DST: variants seen among roughly 807,000 people sequenced by gnomAD.
The protein encoded by DST is bullous pemphigoid antigen.
A neutral mutation model predicts 875.2 loss-of-function variants in DST; 253 were observed. That is an observed-to-expected ratio of 0.29 (90% CI 0.26 to 0.32). DST has a LOEUF of 0.32. Among genes scored for constraint, DST ranks in the 10% least tolerant of loss-of-function variants. DST has a pLI of 1.00. For missense variants in DST, 8,287 were observed against 9,111.6 expected, an observed-to-expected ratio of 0.91 and a Z score of 3.68; for synonymous variants, 3,124 against 3,197.1, an observed-to-expected ratio of 0.98 and a Z score of 0.77.
chr6:56,555,445 C>T lies in DST; in HGVS notation c.15036G>A (p.Glu5012=), dbSNP rs1310117723. The stretch of plus-strand genomic sequence containing the variant: ...CTTCTTTAACCAGTGCTGACAAATC[C>T]TCACAGAGTGCCTGGGCCACTTTTA... The part of the protein sequence containing the change: ...KQIKVAQALC[E]DLSALVKEEY... Residue 5012 remains glutamate, a synonymous_variant, in exon 60 of 104, where the codon GAG becomes GAA. Transcript: ENST00000680361. 2.9e-5 allele frequency: 46 copies of T among 1,613,854 alleles called. No individual in the cohort carries two copies. The East Asian group carries it at 9.8e-4, about 34-fold the overall frequency.
chr6:56,535,428 A>G (rs2096976706), intron 62 of DST, 136 bp from the exon 63 acceptor site: 1 of 1,065,800 alleles, frequency 9.4e-7, no homozygotes, highest in Non-Finnish European at 1.3e-6. Context: ...AAATTTACCC[A>G]AAGTATCGAT....
chr6:56,557,253 T>G, intron 59 of DST, 66 bp downstream of exon 59: 1 of 1,446,064 alleles, frequency 6.9e-7, no homozygotes, highest in Non-Finnish European at 9.5e-7. Context: ...ATATTTATAA[T>G]GAAAACATTG....
intron 98 of DST, among the ~76,000 whole-genome samples, chr6:56,468,688 C>A (rs1178697478): frequency 6.6e-6 from 1 of 152,112 alleles, no homozygotes; most frequent in Non-Finnish European, 1.5e-5. Flanking sequence ...AAAATATATG[C>A]TCATATTATA....
rs1438809528 is a variant in DST, at chr6:56,568,886, A to G, written c.13879-291T>C. On this transcript the variant is annotated intron_variant, in intron 54 of 103. Coordinates refer to ENST00000680361, the MANE Select transcript of DST (RefSeq NM_001374736.1). Reference sequence around the variant, plus strand: ...TCCTGGCTGCTATGGGTTCCAAAATAACTGTCAACTGTAAGTCTGTAAAAC... The same window carrying G: ...TCCTGGCTGCTATGGGTTCCAAAATGACTGTCAACTGTAAGTCTGTAAAAC... Among the ~76,000 whole-genome samples, 4 of 152,206 alleles carry G rather than the reference A, an allele frequency of 2.6e-5. No individual in the cohort carries two copies. In the East Asian group the frequency reaches 7.7e-4, roughly 29 times the overall value.
At chr6:56,762,844 C>CTTTT (rs869153143) in intron 4 of DST, among the ~76,000 whole-genome samples, 10 of 111,894 alleles carry the variant, frequency 8.9e-5, no homozygotes, top group Non-Finnish European at 1.4e-4. Flanking sequence ...AGAACACCAC[C>CTTTT]TTTTTTTTTT....
intron 3 of DST, among the ~76,000 whole-genome samples, chr6:56,888,603 T>A (rs548798989): frequency 6.6e-6 from 1 of 152,208 alleles, no homozygotes; most frequent in East Asian, 1.9e-4. Flanking sequence ...ATTTTAATAA[T>A]CTAAGCAGGA....
intron 73 of DST, 69 bp from the exon 74 acceptor site, chr6:56,509,942 A>C: frequency 1.6e-6 from 2 of 1,249,614 alleles, no homozygotes; most frequent in Non-Finnish European, 2.2e-6. Flanking sequence ...ATTTAAATGA[A>C]AAAACATTTT....
intron 2 of DST, among the ~76,000 whole-genome samples, chr6:56,936,796 AG>A (rs2127774493): frequency 6.6e-6 from 1 of 152,300 alleles, no homozygotes; most frequent in East Asian, 1.9e-4. Flanking sequence ...AAACAACTTT[AG>A]GCCAACAAAC....
intron 46 of DST, 67 bp downstream of exon 46, chr6:56,598,409 A>C: frequency 1.1e-6 from 1 of 927,904 alleles, no homozygotes; most frequent in Non-Finnish European, 1.5e-6. Flanking sequence ...CTGGATATTA[A>C]TAATAAATCA....
rs2152707686 is a variant in DST, at chr6:56,604,190, T to C, written c.10438A>G (p.Ile3480Val). 6.2e-7 allele frequency: 1 copy of C among 1,603,144 alleles called. No individual in the cohort carries two copies. ...HMEYDLEKRG[I>V]TSKVLPLQLE... ...TGCAGTGGAAGTACTTTAGACGTAATGCCTCTTTTCTCTAGGTCATACTCC... is the reference window on the plus strand; with the variant it reads ...TGCAGTGGAAGTACTTTAGACGTAACGCCTCTTTTCTCTAGGTCATACTCC... Residue 3480 changes from isoleucine to valine, a missense_variant, in exon 40 of 104, where the codon ATT becomes GTT. Around this residue, in one of 10 missense-constraint regions of DST, gnomAD observed 3,138 missense variants for 3,116.6 expected, o/e 1.01. Coordinates refer to ENST00000680361, the MANE Select transcript of DST (RefSeq NM_001374736.1).
At position 56,625,158 on chromosome 6, in the gene DST, T is replaced by C. The variant is rs1197532939; in HGVS notation, c.4829A>G (p.Glu1610Gly). The C allele has an allele frequency of 1.2e-6, 2 of 1,603,164 alleles. No homozygotes were observed. Among genetic ancestry groups the C allele is most frequent in the East Asian group, 2.2e-5 (1 of 44,774 alleles). The change falls in exon 35 of 104, where the codon GAG (glutamate) becomes GGG (glycine). Residue 1610 changes from glutamate to glycine, a missense_variant and splice_region_variant. Physicochemically the swap from Glu to Gly is moderately conservative, Grantham distance 98. Coordinates refer to ENST00000680361, the MANE Select transcript of DST (RefSeq NM_001374736.1). Reference sequence around the variant, plus strand: ...CTCTTTCTCTCATACTTTTATTACCTCTTGAATAATGAGATCTGCTGAACT... The same window carrying C: ...CTCTTTCTCTCATACTTTTATTACCCCTTGAATAATGAGATCTGCTGAACT... ...MQSSADLIIQEFMDLRTRYTA... is the reference protein window; with the variant it reads ...MQSSADLIIQGFMDLRTRYTA...
rs532249024 is a variant in DST, at chr6:56,467,124, A to C, written c.22570-929T>G. ...GGTTCATGTCCAACTCATAAAAACT[A>C]CCAGACTGAATTTCACGGTTGTCAT... On this transcript the variant is annotated intron_variant, in intron 98 of 103. Coordinates refer to ENST00000680361, the MANE Select transcript of DST (RefSeq NM_001374736.1). The C allele has an allele frequency of 1.4e-4, 21 of 152,342 alleles. No homozygotes were observed. In the South Asian group the frequency reaches 4.1e-3, roughly 30 times the overall value. The allele number at this position is 152,342 out of a possible 1,614,324, so 9.4% of individuals were successfully genotyped here.
intron 4 of DST, among the ~76,000 whole-genome samples, chr6:56,839,660 C>T (rs1450082041): frequency 2.0e-5 from 3 of 152,010 alleles, no homozygotes; most frequent in African/African-American, 4.8e-5. Context: ...GTGTCAGAGC[C>T]GATTTACAGA....
intron 4 of DST, among the ~76,000 whole-genome samples, chr6:56,762,631 TA>T (rs1377828485): frequency 6.6e-6 from 1 of 152,198 alleles, no homozygotes; most frequent in Non-Finnish European, 1.5e-5. Flanking sequence ...CAGTTTCACT[TA>T]AGAGTCACCC....
At chr6:56,748,343 T>C (rs765353549) in intron 4 of DST, among the ~76,000 whole-genome samples, 3 of 152,174 alleles carry the variant, frequency 2.0e-5, no homozygotes, top group Non-Finnish European at 2.9e-5. Context: ...GGAATCTACA[T>C]AAACCTAGGT....
chr6:56,926,717 G>T (rs1296142213), intron 2 of DST, among the ~76,000 whole-genome samples: 1 of 152,036 alleles, frequency 6.6e-6, no homozygotes, highest in Non-Finnish European at 1.5e-5. Context: ...TTTATTAAGA[G>T]GAAGACTGAA....
chr6:56,733,908 T>A (rs965829502), intron 5 of DST, among the ~76,000 whole-genome samples: 1 of 152,150 alleles, frequency 6.6e-6, no homozygotes, highest in African/African-American at 2.4e-5. Context: ...ATATTAAATT[T>A]AAGTTAACAA....
intron 2 of DST, among the ~76,000 whole-genome samples, chr6:56,917,082 A>G (rs1801628646): frequency 6.7e-6 from 1 of 149,544 alleles, no homozygotes; most frequent in African/African-American, 2.5e-5. Flanking sequence ...GCAATAGCCC[A>G]CTGAGGATAC....
chr6:56,586,743 C>T (rs113672809), intron 49 of DST, among the ~76,000 whole-genome samples: 3,099 of 152,208 alleles, frequency 0.02, 111 homozygotes, highest in African/African-American at 0.069. Context: ...CAGCAGCATT[C>T]GCGGTTCACG....
Sources: allele counts gnomAD v4.1 joint callset (sites outside exome capture counted in the v4.1 genomes callset), GRCh38; gene constraint gnomAD v4.1.1; regional missense constraint gnomAD v4.1.1; transcripts MANE v1.5; gene names NCBI Gene and HGNC (gene_info 2026-07-23, HGNC 2026-07-21).